COA1: variants seen among roughly 807,000 people sequenced by gnomAD.
COA1 encodes cytochrome c oxidase assembly factor 1.
Under a neutral mutation model 16.0 loss-of-function variants are expected in COA1, and 13 were observed. That is an observed-to-expected ratio of 0.81 (90% CI 0.53 to 1.29). The LOEUF is 1.29. COA1 is among the 50% of genes most tolerant of loss of function. The pLI is 0.00. For synonymous variants in COA1, 65 were observed against 65.7 expected (o/e 0.99, Z 0.05); for missense variants, 179 against 177.0 (o/e 1.01, Z -0.06).
chr7:43,692,386 G>GCA (rs1232802063), intron 1 of COA1, among the ~76,000 whole-genome samples: 1 of 152,034 alleles, frequency 6.6e-6, no homozygotes, highest in Non-Finnish European at 1.5e-5. Flanking sequence ...GGGCACGATG[G>GCA]CAGCGCCTGT....
chr7:43,623,556 CTCTT>C (rs752627870), intron 6 of COA1: 44 of 1,603,648 alleles, frequency 2.7e-5, no homozygotes, highest in East Asian at 6.7e-5. Flanking sequence ...ATGTTTTCTT[CTCTT>C]TCTGATACTA....
At chr7:43,711,996 GACA>G (rs2095264237) in intron 1 of COA1, among the ~76,000 whole-genome samples, 1 of 152,086 alleles carries the variant, frequency 6.6e-6, no homozygotes, top group Non-Finnish European at 1.5e-5. Context: ...CTTTTACCAA[GACA>G]TTAAGACACC....
Position 43,682,341 on chromosome 7 carries a change from G to A in COA1, c.-38-33689C>T, listed in dbSNP as rs549180201. Among the ~76,000 whole-genome samples the A allele has an allele frequency of 2.7e-4, 41 of 152,246 alleles. No homozygotes were observed. In the South Asian group the frequency reaches 2.7e-3, roughly 10 times the overall value. ...TCTCAATGCCATTATGGAACTATAC[G>A]CATATTTTAATGAGAAACTGGAAGA... On this transcript the variant is annotated intron_variant, in intron 1 of 5. Transcript: ENST00000223336.
chr7:43,672,554 G>A (rs950358911), intron 1 of COA1, among the ~76,000 whole-genome samples: 2 of 152,106 alleles, frequency 1.3e-5, no homozygotes, highest in African/African-American at 2.4e-5. Context: ...GGCAGATCAC[G>A]AGTTCAAGAG....
At chr7:43,623,540 A>C in intron 6 of COA1, 1 of 1,595,348 alleles carries the variant, frequency 6.3e-7, no homozygotes, top group Non-Finnish European at 8.5e-7. Context: ...TTTTCCACAA[A>C]ACTAAATGTT....
In COA1 at chr7:43,702,907, CTT is replaced by C. The variant is rs2094807774; in HGVS notation, c.-39+26520_-39+26521del. Among the ~76,000 whole-genome samples, 3 of 152,040 alleles carry C rather than the reference CTT, an allele frequency of 2.0e-5. No homozygotes were observed. The South Asian group carries it at 6.2e-4, about 32-fold the overall frequency. On this transcript the variant is annotated intron_variant, in intron 1 of 5. Transcript: ENST00000223336. ...CTGCTAGTTTTGAGGTTGGTTTGCT[CTT>C]GTTTTTCTAGAGTTCCTCTAGGTGT...
intron 4 of COA1, among the ~76,000 whole-genome samples, chr7:43,644,801 G>GAC (rs2088672739): frequency 7.6e-6 from 1 of 131,060 alleles, no homozygotes. Context: ...CAGAGAGACA[G>GAC]AGAGAGAGAG....
At chr7:43,664,162 T>C (rs2092717406) in intron 1 of COA1, among the ~76,000 whole-genome samples, 1 of 144,656 alleles carries the variant, frequency 6.9e-6, no homozygotes, top group South Asian at 2.2e-4. Flanking sequence ...TGGATTGTAA[T>C]AGCTATTAAC....
intron 1 of COA1, among the ~76,000 whole-genome samples, chr7:43,722,001 G>C (rs1390776026): frequency 2.0e-5 from 3 of 151,968 alleles, no homozygotes; most frequent in Non-Finnish European, 4.4e-5. Flanking sequence ...TTGCACACCA[G>C]AAGTCAATCT....
intron 1 of COA1, among the ~76,000 whole-genome samples, chr7:43,652,522 T>G (rs1309309503): frequency 2.0e-5 from 3 of 152,222 alleles, no homozygotes; most frequent in Non-Finnish European, 4.4e-5. Context: ...ATCAGAACTA[T>G]TACATGCATC....
chr7:43,724,342 C>A (rs2095568849), intron 1 of COA1, among the ~76,000 whole-genome samples: 1 of 152,060 alleles, frequency 6.6e-6, no homozygotes, highest in African/African-American at 2.4e-5. Context: ...CCCTTGAGGT[C>A]AGGAGTTCAA....
intron 1 of COA1, among the ~76,000 whole-genome samples, chr7:43,674,831 C>A (rs1434879266): frequency 6.6e-6 from 1 of 152,160 alleles, no homozygotes; most frequent in Non-Finnish European, 1.5e-5. Context: ...TTCAAACCAA[C>A]TCTGTCCTCT....
At chr7:43,653,139 C>T (rs2091140539) in intron 1 of COA1, among the ~76,000 whole-genome samples, 1 of 151,972 alleles carries the variant, frequency 6.6e-6, no homozygotes, top group South Asian at 2.1e-4. Flanking sequence ...GGTGAAACCC[C>T]GTCTCTACTA....
chr7:43,632,684 G>A (rs980992343), intron 6 of COA1: 1 of 152,132 alleles, frequency 6.6e-6, no homozygotes, highest in Admixed American at 6.5e-5. Flanking sequence ...GGGTAACCAG[G>A]TGCATTGTTA....
chr7:43,626,888 CTT>C (rs2084610535), intron 6 of COA1: 1 of 152,078 alleles, frequency 6.6e-6, no homozygotes, highest in Non-Finnish European at 1.5e-5. Context: ...TCATAGGGTG[CTT>C]TTTTAAGAGG....
In COA1 at chr7:43,611,988, G is replaced by GAAA. The variant is rs536597628; in HGVS notation, c.*134-2494_*134-2493insTTT. On this transcript the variant is annotated intron_variant and NMD_transcript_variant, in intron 6 of 6. Transcript: ENST00000415076. ...GATGTTACTTGAGAGCATCAAAGGTGAATATTAAGTTCTTGAATACCAACT... is the reference window on the plus strand; with the variant it reads ...GATGTTACTTGAGAGCATCAAAGGTGAAAAATATTAAGTTCTTGAATACCAACT... Among the ~76,000 whole-genome samples the GAAA allele has an allele frequency of 5.8e-4, 89 of 152,300 alleles. 2 individuals carry two copies. In the South Asian group the frequency reaches 0.018, roughly 31 times the overall value.
chr7:43,632,160 CTT>C (rs2085241821), intron 6 of COA1: 2 of 159,612 alleles, frequency 1.3e-5, no homozygotes, highest in South Asian at 3.9e-4. Context: ...TATTCTAAAT[CTT>C]TTGTCATTTC....
intron 6 of COA1, chr7:43,623,213 A>C (rs541592044): frequency 2.5e-5 from 5 of 197,706 alleles, no homozygotes; most frequent in African/African-American, 9.5e-5. Flanking sequence ...AGGGTGGGGC[A>C]ATGGAGAAGC....
downstream of COA1, among the ~76,000 whole-genome samples, chr7:43,638,566 CT>C (rs746584234): frequency 1.4e-3 from 136 of 97,408 alleles, no homozygotes; most frequent in South Asian, 5.9e-3. Context: ...TTTTTCTTTC[CT>C]TTTTTTTTTT....
Sources: allele counts gnomAD v4.1 joint callset (sites outside exome capture counted in the v4.1 genomes callset), GRCh38; gene constraint gnomAD v4.1.1; transcripts MANE v1.5; gene names NCBI Gene and HGNC (gene_info 2026-07-23, HGNC 2026-07-21).